The following ATL2 variants were observed in gnomAD, a reference collection of about 807,000 sequenced individuals.
ATL2 encodes the protein atlastin GTPase 2.
A neutral mutation model predicts 73.9 loss-of-function variants in ATL2; 31 were observed. The observed-to-expected ratio is 0.42, with a 90% CI of 0.32 to 0.57. The LOEUF (loss-of-function observed/expected upper bound fraction) is 0.57. Among genes scored for constraint, ATL2 ranks in the 20% least tolerant of loss-of-function variants. The pLI, the probability that ATL2 is intolerant of heterozygous loss-of-function variation, is 0.14. For synonymous variants in ATL2, 291 were observed against 237.5 expected, an observed-to-expected ratio of 1.23 and a Z score of -2.07; for missense variants, 738 against 702.6, an observed-to-expected ratio of 1.05 and a Z score of -0.57.
Position 38,295,898 on chromosome 2 carries a change from C to T in ATL2, c.*96G>A, listed in dbSNP as rs1666864651. 1.1e-5 allele frequency: 11 copies of T among 1,040,494 alleles called. No homozygotes were observed. Among genetic ancestry groups the T allele is most frequent in the Non-Finnish European group, 4.2e-6 (3 of 722,098 alleles). 64.5% of individuals were successfully genotyped at this position (1,040,494 alleles called of 1,614,324 possible). A position where few individuals can be genotyped will look rare whatever the true frequency, so the allele number is the denominator to read the frequency against. On this transcript the variant is annotated 3_prime_UTR_variant, in exon 13 of 13. Coordinates refer to ENST00000378954, the MANE Select transcript of ATL2 (RefSeq NM_001135673.4). ...AGCCAGTTACACTAAACTACTTCTACAGTTGATTGTAAACTTTGGTTTATT... is the reference window on the plus strand; with the variant it reads ...AGCCAGTTACACTAAACTACTTCTATAGTTGATTGTAAACTTTGGTTTATT...
intron 7 of ATL2, among the ~76,000 whole-genome samples, chr2:38,312,331 C>T (rs1046325163): frequency 3.9e-5 from 6 of 152,300 alleles, no homozygotes; most frequent in Non-Finnish European, 8.8e-5. Flanking sequence ...GTTCTTTTAA[C>T]AGTGAGTGAG....
intron 2 of ATL2, among the ~76,000 whole-genome samples, chr2:38,341,278 T>A (rs565613462): frequency 4.4e-4 from 67 of 152,262 alleles, no homozygotes; most frequent in African/African-American, 1.1e-3. Flanking sequence ...ACAGTTTTTT[T>A]AAAAAATATG....
Position 38,298,300 on chromosome 2 carries a change from A to G in ATL2, c.1476T>C (p.Thr492=), listed in dbSNP as rs772555449. 1.2e-5 allele frequency: 20 copies of G among 1,614,092 alleles called. No homozygotes were observed. In the South Asian group the frequency reaches 1.9e-4, roughly 15 times the overall value. The stretch of plus-strand genomic sequence containing the variant: ...CTATAGAGTTTAGGCCAATGAAGCC[A>G]GTCAGTCCTGAGATTATATACATAG... ...MFAMYIISGL[T]GFIGLNSIAV... Residue 492 remains threonine (T), a synonymous_variant, in exon 12 of 13, where the codon ACT becomes ACC. Coordinates refer to ENST00000378954, the MANE Select transcript of ATL2 (RefSeq NM_001135673.4).
intron 1 of ATL2, among the ~76,000 whole-genome samples, chr2:38,349,520 T>C (rs1670218741): frequency 1.0e-5 from 1 of 100,352 alleles, no homozygotes; most frequent in South Asian, 4.4e-4. Context: ...CTGGGGACTG[T>C]TGTGGGGTGG....
chr2:38,331,305 G>C lies in ATL2; in HGVS notation c.363+11963C>G, dbSNP rs529549901. 2.0e-5 allele frequency among the ~76,000 whole-genome samples: 3 copies of C among 151,912 alleles called. No individual in the cohort carries two copies. The East Asian group carries it at 5.8e-4, about 29-fold the overall frequency. ...ACAAAAAGTAGCTGGGCATGGTGGC[G>C]CACACCTGTAGTCCCAGTTACTCAG... On this transcript the variant is annotated intron_variant, in intron 2 of 12. Transcript: ENST00000378954.
intron 1 of ATL2, chr2:38,376,277 T>C: frequency 7.3e-7 from 1 of 1,361,470 alleles, no homozygotes; most frequent in Non-Finnish European, 9.6e-7. Flanking sequence ...GTGAGAGGGA[T>C]ACACTGCGCT....
intron 1 of ATL2, among the ~76,000 whole-genome samples, chr2:38,350,480 A>T (rs1462047988): frequency 1.3e-5 from 2 of 152,182 alleles, no homozygotes; most frequent in African/African-American, 4.8e-5. Flanking sequence ...AACACAGAAG[A>T]TTTCTTAGGG....
chr2:38,376,653 C>G (rs1259998807), intron 1 of ATL2: 2 of 152,668 alleles, frequency 1.3e-5, no homozygotes, highest in African/African-American at 4.8e-5. Flanking sequence ...GCGACCTCCT[C>G]CTCCGCGGGG....
At position 38,374,531 on chromosome 2, in the gene ATL2, T is replaced by A. The variant is rs537517148; in HGVS notation, c.118+2612A>T. On this transcript the variant is annotated intron_variant, in intron 1 of 12. Coordinates refer to ENST00000378954, the MANE Select transcript of ATL2 (RefSeq NM_001135673.4). The stretch of plus-strand genomic sequence containing the variant: ...GCTCTAAACCACCATTACCAAAAAG[T>A]TTAACTTCTACTCCTATGCCTTACA... 4.6e-5 allele frequency among the ~76,000 whole-genome samples: 7 copies of A among 152,328 alleles called. No individual in the cohort carries two copies. The East Asian group carries it at 1.3e-3, about 29-fold the overall frequency.
intron 2 of ATL2, among the ~76,000 whole-genome samples, chr2:38,337,940 T>A (rs1669468376): frequency 6.6e-6 from 1 of 152,216 alleles, no homozygotes; most frequent in South Asian, 2.1e-4. Context: ...ATCAATATCG[T>A]AAGCACTGTG....
chr2:38,338,234 C>G (rs1050292775), intron 2 of ATL2, among the ~76,000 whole-genome samples: 18 of 152,100 alleles, frequency 1.2e-4, no homozygotes, highest in African/African-American at 4.3e-4. Context: ...CACGATTTTA[C>G]TTAAAAGTAG....
chr2:38,313,129 T>C, intron 7 of ATL2, 22 bp downstream of exon 7: 1 of 1,562,294 alleles, frequency 6.4e-7, no homozygotes, highest in Non-Finnish European at 8.8e-7. Context: ...TATGTTCTCC[T>C]CTTTAAGCAT....
intron 9 of ATL2, among the ~76,000 whole-genome samples, chr2:38,301,790 T>G (rs1473469779): frequency 2.0e-5 from 3 of 152,188 alleles, no homozygotes; most frequent in Non-Finnish European, 4.4e-5. Flanking sequence ...GTCCTGGTGC[T>G]GGGCTGGGCT....
chr2:38,335,294 A>G (rs1360156751), intron 2 of ATL2, among the ~76,000 whole-genome samples: 2 of 150,078 alleles, frequency 1.3e-5, no homozygotes, highest in Non-Finnish European at 3.0e-5. Context: ...CTTTACAAAA[A>G]TGTTCATTAG....
At chr2:38,324,866 T>C (rs1198914953) in intron 2 of ATL2, among the ~76,000 whole-genome samples, 1 of 152,190 alleles carries the variant, frequency 6.6e-6, no homozygotes, top group Non-Finnish European at 1.5e-5. Flanking sequence ...GAATGGTGGA[T>C]GCCAGGGGAT....
At chr2:38,360,831 T>G (rs921045054) in intron 1 of ATL2, among the ~76,000 whole-genome samples, 6 of 152,112 alleles carry the variant, frequency 3.9e-5, no homozygotes, top group Non-Finnish European at 8.8e-5. Context: ...ACTTTAATAT[T>G]TTTTAGGTAA....
intron 12 of ATL2, chr2:38,296,415 G>A: frequency 6.5e-7 from 1 of 1,546,030 alleles, no homozygotes; most frequent in Non-Finnish European, 8.7e-7. Flanking sequence ...GGCCCAGACG[G>A]TCCTGCTTAT....
chr2:38,372,795 T>C (rs938466655), intron 1 of ATL2, among the ~76,000 whole-genome samples: 1 of 152,208 alleles, frequency 6.6e-6, no homozygotes, highest in Admixed American at 6.5e-5. Flanking sequence ...GACAGAATAT[T>C]TGGCAGTGGG....
At chr2:38,356,512 G>C (rs550211945) in intron 1 of ATL2, among the ~76,000 whole-genome samples, 20 of 152,198 alleles carry the variant, frequency 1.3e-4, no homozygotes, top group African/African-American at 4.6e-4. Context: ...TTTACATACA[G>C]TCTTCTAAAT....
Sources: allele counts gnomAD v4.1 joint callset (sites outside exome capture counted in the v4.1 genomes callset), GRCh38; gene constraint gnomAD v4.1.1; transcripts MANE v1.5; gene names NCBI Gene and HGNC (gene_info 2026-07-23, HGNC 2026-07-21).